The following DUSP10 variants were observed in gnomAD, a reference collection of about 807,000 sequenced individuals.
DUSP10 encodes the protein dual specificity phosphatase 10, also known as dual specificity protein phosphatase 10.
In DUSP10, 14 loss-of-function variants were observed where a neutral mutation model predicts 30.8. The observed-to-expected ratio is 0.46, with a 90% confidence interval of 0.30 to 0.71. The LOEUF is 0.71. Ranked by LOEUF, DUSP10 falls within the 30% of genes least tolerant of loss-of-function variation. The pLI is 0.08. For synonymous variants in DUSP10, 254 were observed against 250.4 expected (o/e 1.01, Z -0.14); for missense variants, 550 against 619.4 (o/e 0.89, Z 1.19).
chr1:221,702,596 T>A lies in DUSP10; in HGVS notation c.1265A>T (p.Tyr422Phe). ...VSRSATIVIA[Y>F]LMKHTRMTMT... ...GGTCATCCGAGTGTGCTTCATCAAG[T>A]AAGCGATGACGATGGTGGCGGAGCG... is the stretch of plus-strand genomic sequence containing the variant. The change falls in exon 4 of 4, where the codon TAC (tyrosine) becomes TTC (phenylalanine). Residue 422 changes from tyrosine to phenylalanine, a missense_variant. Tyr to Phe is a conservative substitution (Grantham distance 22). Transcript: ENST00000366899. The surrounding 1 kb of genome is among the most constrained non-coding windows in gnomAD (Gnocchi z 4.5). The A allele has an allele frequency of 6.8e-6, 11 of 1,614,126 alleles. No individual in the cohort carries two copies. The highest frequency in any genetic ancestry group is 9.3e-6 in the Non-Finnish European group (11 of 1,180,028).
intron 3 of DUSP10, among the ~76,000 whole-genome samples, chr1:221,705,463 T>C (rs1208095365): frequency 2.6e-5 from 4 of 152,178 alleles, no homozygotes; most frequent in Non-Finnish European, 5.9e-5. Flanking sequence ...GAAATTAAGA[T>C]TAGGATTAGG....
At chr1:221,708,128 G>A (rs1660821882) in intron 2 of DUSP10, among the ~76,000 whole-genome samples, 1 of 152,220 alleles carries the variant, frequency 6.6e-6, no homozygotes, top group African/African-American at 2.4e-5. Context: ...AGTCCTATTA[G>A]CTGAAAGCCA....
chr1:221,702,810 G>T lies in DUSP10; in HGVS notation c.1184-133C>A. The T allele has an allele frequency of 1.1e-6, 1 of 941,084 alleles. No individual in the cohort carries two copies. Among genetic ancestry groups the T allele is most frequent in the Non-Finnish European group, 1.6e-6 (1 of 644,056 alleles). 58.3% of individuals were successfully genotyped at this position (941,084 alleles called of 1,614,324 possible). ...TGAATTAAAACAGTTTTAAAGCCAA[G>T]TATAATCCACTAGTTCATTACGTAT... On this transcript the variant is annotated intron_variant, in intron 3 of 3. Coordinates refer to ENST00000366899, the MANE Select transcript of DUSP10 (RefSeq NM_007207.6). This position sits in a 1 kb window ranked among gnomAD's most constrained non-coding sequence, Gnocchi z 4.5.
Position 221,712,478 on chromosome 1 carries a change from T to C in DUSP10, c.812-6012A>G, listed in dbSNP as rs544347106. On this transcript the variant is annotated intron_variant, in intron 2 of 3. Coordinates refer to ENST00000366899, the MANE Select transcript of DUSP10 (RefSeq NM_007207.6). ...TCCCTCAAACCAGTGTGGTCTGGCT[T>C]ACATGTGAGATGCCTTATGTTTGAA... Among the ~76,000 whole-genome samples the C allele has an allele frequency of 8.5e-5, 13 of 152,276 alleles. No individual in the cohort carries two copies. In the South Asian group the frequency reaches 2.7e-3, roughly 32 times the overall value.
chr1:221,736,011 T>C (rs1661756125), intron 2 of DUSP10, among the ~76,000 whole-genome samples: 1 of 152,228 alleles, frequency 6.6e-6, no homozygotes, highest in Non-Finnish European at 1.5e-5. Flanking sequence ...TGATGCCATT[T>C]ATTCTTTAGA....
intron 2 of DUSP10, among the ~76,000 whole-genome samples, chr1:221,733,140 C>G (rs6689267): frequency 0.14 from 22,039 of 152,188 alleles, 1,934 homozygotes; most frequent in African/African-American, 0.23. Context: ...GTTTAAGGAA[C>G]TAGATTTTTG....
At chr1:221,726,139 A>G (rs184575072) in intron 2 of DUSP10, among the ~76,000 whole-genome samples, 45 of 152,288 alleles carry the variant, frequency 3.0e-4, no homozygotes, top group African/African-American at 9.9e-4. Flanking sequence ...TGGATCTTAC[A>G]CTCAGGAAAG....
At chr1:221,722,625 C>T (rs1223464920) in intron 2 of DUSP10, among the ~76,000 whole-genome samples, 1 of 152,220 alleles carries the variant, frequency 6.6e-6, no homozygotes, top group Non-Finnish European at 1.5e-5. Context: ...GTGACGGAAA[C>T]TTTCTCCCAA....
At chr1:221,721,668 T>A (rs1465053458) in intron 2 of DUSP10, among the ~76,000 whole-genome samples, 1 of 152,078 alleles carries the variant, frequency 6.6e-6, no homozygotes, top group Admixed American at 6.6e-5. Flanking sequence ...CTTACCCCTT[T>A]CTCCTCTCTC....
intron 2 of DUSP10, among the ~76,000 whole-genome samples, chr1:221,738,350 T>C (rs905772583): frequency 6.6e-6 from 1 of 152,222 alleles, no homozygotes; most frequent in African/African-American, 2.4e-5. Context: ...GGAATGGATG[T>C]AATTGGTGAA....
Position 221,739,446 on chromosome 1 carries a change from C to T in DUSP10, c.299G>A (p.Gly100Asp), listed in dbSNP as rs1424147404. The T allele has an allele frequency of 6.2e-7, 1 of 1,614,168 alleles. No homozygotes were observed. Among genetic ancestry groups the T allele is most frequent in the East Asian group, 2.2e-5 (1 of 44,888 alleles). ...NQAQTQAIAA[G>D]TTTTAIGTST... ...GGTTCCGATGGCAGTGGTGGTGGTG[C>T]CAGCGGCAATGGCTTGGGTTTGGGC... The change falls in exon 2 of 4, where the codon GGC becomes GAC. Residue 100 changes from glycine to aspartate, a missense_variant. Physicochemically the swap from Gly to Asp is moderately conservative, Grantham distance 94 (BLOSUM62 -1). Transcript: ENST00000366899.
At chr1:221,740,122 C>T (rs72736552) in intron 1 of DUSP10, among the ~76,000 whole-genome samples, 16,369 of 152,200 alleles carry the variant, frequency 0.11, 940 homozygotes, top group Middle Eastern at 0.16. Context: ...AGAAGGGAGG[C>T]TCTTAAGAGG....
intron 2 of DUSP10, among the ~76,000 whole-genome samples, chr1:221,718,238 A>G (rs1373861435): frequency 6.6e-6 from 1 of 151,612 alleles, no homozygotes; most frequent in Non-Finnish European, 1.5e-5. Flanking sequence ...ACAGAAGCCC[A>G]CTCCTCTCCC....
chr1:221,709,460 G>C (rs1660871797), intron 2 of DUSP10, among the ~76,000 whole-genome samples: 1 of 151,686 alleles, frequency 6.6e-6, no homozygotes, highest in Non-Finnish European at 1.5e-5. Flanking sequence ...AATATTTGGA[G>C]GTGGGAGGGG....
chr1:221,703,051 T>C (rs1328473521), intron 3 of DUSP10, among the ~76,000 whole-genome samples: 1 of 152,162 alleles, frequency 6.6e-6, no homozygotes, highest in Non-Finnish European at 1.5e-5. Context: ...TCACTGAACC[T>C]TCTCTCAAAT....
intron 2 of DUSP10, among the ~76,000 whole-genome samples, chr1:221,731,699 C>T (rs1205772050): frequency 1.3e-5 from 2 of 150,732 alleles, no homozygotes; most frequent in African/African-American, 2.4e-5. Context: ...ACCTCCACCT[C>T]CCGGGTTCAA....
At chr1:221,715,499 C>A (rs137930886) in intron 2 of DUSP10, among the ~76,000 whole-genome samples, 1 of 152,324 alleles carries the variant, frequency 6.6e-6, no homozygotes, top group African/African-American at 2.4e-5. Context: ...CTCTTGCCCC[C>A]CTCCTACCAT....
At chr1:221,712,438 C>T (rs1196246381) in intron 2 of DUSP10, among the ~76,000 whole-genome samples, 4 of 152,164 alleles carry the variant, frequency 2.6e-5, no homozygotes, top group East Asian at 3.9e-4. Flanking sequence ...CTTATGATCA[C>T]GTCATTTGAC....
intron 2 of DUSP10, among the ~76,000 whole-genome samples, chr1:221,720,121 G>GC (rs1027186465): frequency 5.9e-5 from 9 of 152,098 alleles, no homozygotes; most frequent in African/African-American, 1.9e-4. Context: ...TTTGATCTCT[G>GC]CCCCTGGTTC....
Sources: gnomAD v4.1 joint callset for allele counts (sites outside exome capture counted in the v4.1 genomes callset) on GRCh38, gnomAD v4.1.1 for gene constraint, Gnocchi (gnomAD v3.1) non-coding constraint, MANE v1.5 for transcripts, NCBI Gene and HGNC (gene_info 2026-07-23, HGNC 2026-07-21) for gene names.